PRKCH: variants seen among roughly 807,000 people sequenced by gnomAD.
The protein encoded by PRKCH is protein kinase C eta, also known as protein kinase C eta type.
PRKCH carries 28 observed loss-of-function variants against 82.5 expected under a neutral mutation model. That is an observed-to-expected ratio of 0.34 (90% CI 0.25 to 0.47). PRKCH has a LOEUF of 0.47. Among genes scored for constraint, PRKCH ranks in the 20% least tolerant of loss-of-function variants. The probability of loss-of-function intolerance (pLI) is 1.00; values close to 1 mark genes in which losing one functional copy is unlikely to be tolerated. For synonymous variants in PRKCH, 322 were observed against 327.4 expected (o/e 0.98, Z 0.18); for missense variants, 705 against 881.8 (o/e 0.80, Z 2.54).
At chr14:61,530,211 A>T (rs533856833) in intron 11 of PRKCH, among the ~76,000 whole-genome samples, 196 bp from the exon 12 acceptor site, 1 of 152,298 alleles carries the variant, frequency 6.6e-6, no homozygotes, top group East Asian at 1.9e-4. Flanking sequence ...GCTCACCTAG[A>T]TGAGAAGGCA....
chr14:61,188,488 C>A (rs1328160209), intron 1 of PRKCH, among the ~76,000 whole-genome samples: 32 of 151,952 alleles, frequency 2.1e-4, no homozygotes, highest in Admixed American at 2.0e-3. Flanking sequence ...CTTGTGGCTC[C>A]GCAACCCAAC....
intron 10 of PRKCH, among the ~76,000 whole-genome samples, chr14:61,493,242 C>T (rs942289548): frequency 3.3e-5 from 5 of 152,298 alleles, no homozygotes; most frequent in East Asian, 1.9e-4. Flanking sequence ...AGTCCAGCCC[C>T]GCCATGGAAG....
At chr14:61,384,086 G>A (rs2046551254) in intron 1 of PRKCH, among the ~76,000 whole-genome samples, 2 of 152,170 alleles carry the variant, frequency 1.3e-5, no homozygotes, top group South Asian at 2.1e-4. Flanking sequence ...AAGGATGAGG[G>A]AGGAGGCCTG....
intron 2 of PRKCH, among the ~76,000 whole-genome samples, chr14:61,428,446 T>A (rs190479004): frequency 6.6e-6 from 1 of 151,742 alleles, no homozygotes; most frequent in Admixed American, 6.6e-5. Context: ...TTTTCAGGGG[T>A]TTTTTTTAAT....
intron 1 of PRKCH, among the ~76,000 whole-genome samples, chr14:61,338,912 T>C (rs188523908): frequency 6.4e-4 from 98 of 152,280 alleles, no homozygotes; most frequent in African/African-American, 2.3e-3. Context: ...TTCTGAAAAA[T>C]TGTGCCTGTC....
intron 1 of PRKCH, among the ~76,000 whole-genome samples, chr14:61,370,207 C>T (rs545091753): frequency 2.0e-5 from 3 of 152,084 alleles, no homozygotes; most frequent in East Asian, 1.9e-4. Context: ...CCTCCCAAAG[C>T]GTTGGGATTA....
At chr14:61,361,378 C>T (rs906023615) in intron 1 of PRKCH, among the ~76,000 whole-genome samples, 3 of 152,166 alleles carry the variant, frequency 2.0e-5, no homozygotes, top group South Asian at 4.1e-4. Flanking sequence ...AGGTAATTAT[C>T]ACAGTGTTGT....
intron 1 of PRKCH, among the ~76,000 whole-genome samples, chr14:61,358,723 C>A (rs948655381): frequency 1.3e-5 from 2 of 152,126 alleles, no homozygotes; most frequent in African/African-American, 4.8e-5. Context: ...GTCCTCCTGG[C>A]CCTTGGTGGC....
At chr14:61,449,097 ACT>A in intron 4 of PRKCH, 65 bp from the exon 5 acceptor site, 1 of 1,454,754 alleles carries the variant, frequency 6.9e-7, no homozygotes, top group South Asian at 1.2e-5. Flanking sequence ...GCCCTGGTTG[ACT>A]CTGCTGTAAC....
chr14:61,337,291 G>A (rs761119503), intron 1 of PRKCH, among the ~76,000 whole-genome samples: 6 of 151,978 alleles, frequency 3.9e-5, no homozygotes, highest in Non-Finnish European at 8.8e-5. Context: ...CCATAGGCGT[G>A]CGCCACCAAG....
In PRKCH at chr14:61,373,280, T is replaced by A. The variant is rs182708535; in HGVS notation, c.364-17945T>A. Among the ~76,000 whole-genome samples, 380 of 151,798 alleles carry A rather than the reference T, an allele frequency of 2.5e-3. 3 individuals are homozygous for A. Among genetic ancestry groups the A allele is most frequent in the South Asian group, 7.1e-3 (34 of 4,806 alleles). On this transcript the variant is annotated intron_variant, in intron 1 of 13. Coordinates refer to ENST00000332981, the MANE Select transcript of PRKCH (RefSeq NM_006255.5). The stretch of plus-strand genomic sequence containing the variant: ...CATGACTGGGAGGCCTCAGGAAACT[T>A]ATAATCATGGTGGAAGGCAAAGGGG...
intron 2 of PRKCH, among the ~76,000 whole-genome samples, chr14:61,407,076 C>T (rs972214984): frequency 1.3e-5 from 2 of 152,038 alleles, no homozygotes; most frequent in South Asian, 2.1e-4. Flanking sequence ...AGAACAACAG[C>T]CATTTACATG....
rs1201740281 is a variant in PRKCH at position 61,475,649 on chromosome 14, A to G, written c.1279-9853A>G. ...ACTTCATAGAACTGGCATCGGGAAT[A>G]GCATGCAACTGTTAAAAAAATCATG... On this transcript the variant is annotated intron_variant, in intron 9 of 13. Coordinates refer to ENST00000332981, the MANE Select transcript of PRKCH (RefSeq NM_006255.5). Among the ~76,000 whole-genome samples, 3 of 152,256 alleles carry G rather than the reference A, an allele frequency of 2.0e-5. No homozygotes were observed. The East Asian group carries it at 5.8e-4, about 29-fold the overall frequency.
intron 2 of PRKCH, among the ~76,000 whole-genome samples, chr14:61,395,487 G>A (rs755069060): frequency 2.8e-4 from 42 of 152,100 alleles, no homozygotes; most frequent in Non-Finnish European, 5.0e-4. Context: ...AGCAGTGTAA[G>A]GTCAGGCCTG....
At chr14:61,540,995 G>T (rs757926582) in intron 12 of PRKCH, among the ~76,000 whole-genome samples, 2 of 152,252 alleles carry the variant, frequency 1.3e-5, no homozygotes, top group Non-Finnish European at 2.9e-5. Context: ...ACCCCCAGTG[G>T]ACTGTCATCA....
chr14:61,464,545 C>T (rs572350341), intron 9 of PRKCH, among the ~76,000 whole-genome samples: 9 of 152,162 alleles, frequency 5.9e-5, no homozygotes, highest in Non-Finnish European at 1.2e-4. Context: ...TAATGCTCTC[C>T]TTGCCCTTGC....
intron 9 of PRKCH, 139 bp from the exon 10 acceptor site, chr14:61,485,363 A>G: frequency 8.8e-7 from 1 of 1,140,354 alleles, no homozygotes; most frequent in East Asian, 2.4e-5. Flanking sequence ...CTGCACCCTG[A>G]CCCATGGTCA....
At chr14:61,438,319 A>G (rs1566882126) in intron 2 of PRKCH, among the ~76,000 whole-genome samples, 1 of 152,212 alleles carries the variant, frequency 6.6e-6, no homozygotes, top group Non-Finnish European at 1.5e-5. Context: ...TATTAGGCAA[A>G]TTAAACTTGA....
intron 9 of PRKCH, among the ~76,000 whole-genome samples, chr14:61,461,696 T>C (rs1410757886): frequency 6.6e-6 from 1 of 152,220 alleles, no homozygotes; most frequent in African/African-American, 2.4e-5. Context: ...ATTCTGGTGA[T>C]TATAAGCAAA....
Sources: allele counts gnomAD v4.1 joint callset (sites outside exome capture counted in the v4.1 genomes callset), GRCh38; gene constraint gnomAD v4.1.1; transcripts MANE v1.5; gene names NCBI Gene and HGNC (gene_info 2026-07-23, HGNC 2026-07-21).